The following PHEX variants were observed in gnomAD, a reference collection of about 807,000 sequenced individuals.
PHEX encodes phosphate regulating endopeptidase X-linked.
PHEX carries 16 observed loss-of-function variants against 68.0 expected under a neutral mutation model. The ratio of observed to expected loss-of-function variants is 0.24; its 90% confidence interval spans 0.16 to 0.36. The LOEUF (loss-of-function observed/expected upper bound fraction) is 0.36, where lower values mean the gene tolerates loss of function less well. PHEX is among the 10% of genes least tolerant of loss of function. PHEX has a pLI of 1.00. For missense variants in PHEX, 480 were observed against 575.5 expected, an observed-to-expected ratio of 0.83 and a Z score of 1.70; for synonymous variants, 208 against 205.1, an observed-to-expected ratio of 1.01 and a Z score of -0.12.
chrX:22,122,187 C>T (rs1403207019), intron 11 of PHEX, among the ~76,000 whole-genome samples: 3 of 111,444 alleles, frequency 2.7e-5, no homozygotes, highest in African/African-American at 6.5e-5. Context: ...TCGTTCCTTG[C>T]AAATTCAGCT....
At chrX:22,157,007 C>T (rs1425978503) in intron 12 of PHEX, among the ~76,000 whole-genome samples, 5 of 111,280 alleles carry the variant, frequency 4.5e-5, no homozygotes, top group Non-Finnish European at 9.4e-5. Context: ...CTCGGCCTCC[C>T]AGGTAGCTGG....
chrX:22,214,659 G>A (rs1254452324), intron 16 of PHEX, among the ~76,000 whole-genome samples: 1 of 111,827 alleles, frequency 8.9e-6, no homozygotes, highest in Non-Finnish European at 1.9e-5. Context: ...ACCTGGCAGT[G>A]CCCATCCTAG....
At chrX:22,216,254 C>T (rs931898249) in intron 16 of PHEX, among the ~76,000 whole-genome samples, 1 of 111,634 alleles carries the variant, frequency 9.0e-6, no homozygotes, top group African/African-American at 3.3e-5. Context: ...TACTTGATAA[C>T]AGTGTGAGAT....
intron 16 of PHEX, among the ~76,000 whole-genome samples, chrX:22,215,769 C>T (rs939601145): frequency 2.6e-4 from 29 of 110,898 alleles, no homozygotes; most frequent in African/African-American, 8.9e-4. Context: ...AACCATCCTT[C>T]GAAATGCAGA....
At chrX:22,149,108 G>A (rs776107484) in intron 12 of PHEX, among the ~76,000 whole-genome samples, 1 of 111,922 alleles carries the variant, frequency 8.9e-6, no homozygotes, top group South Asian at 3.8e-4. Flanking sequence ...CTGACTTATG[G>A]GGTCCTGTAC....
At chrX:22,036,025 C>T (rs1926989339) in intron 1 of PHEX, among the ~76,000 whole-genome samples, 1 of 93,264 alleles carries the variant, frequency 1.1e-5, no homozygotes, top group Non-Finnish European at 2.1e-5. Flanking sequence ...CACACACACA[C>T]ACACACGTAC....
chrX:22,075,285 C>CTTTTT (rs1164944990), intron 3 of PHEX, among the ~76,000 whole-genome samples: 14 of 62,341 alleles, frequency 2.2e-4, no homozygotes, highest in Non-Finnish European at 2.7e-4. Context: ...CTCTGGGTTG[C>CTTTTT]TTTTTTTTTT....
At chrX:22,182,993 C>T (rs1345694655) in intron 14 of PHEX, among the ~76,000 whole-genome samples, 1 of 111,721 alleles carries the variant, frequency 9.0e-6, no homozygotes, top group African/African-American at 3.3e-5. Flanking sequence ...ACAATGTTGT[C>T]CAGTTTTGTA....
intron 15 of PHEX, among the ~76,000 whole-genome samples, chrX:22,197,082 A>T (rs1471419853): frequency 8.9e-6 from 1 of 111,938 alleles, no homozygotes; most frequent in Non-Finnish European, 1.9e-5. Context: ...CCATCTGGGG[A>T]CATGAGAATA....
At chrX:22,045,565 G>A (rs915503961) in intron 2 of PHEX, among the ~76,000 whole-genome samples, 5 of 112,473 alleles carry the variant, frequency 4.4e-5, no homozygotes, top group Admixed American at 3.8e-4. Flanking sequence ...TCTCCTACCT[G>A]TGGGTTATCT....
intron 12 of PHEX, among the ~76,000 whole-genome samples, chrX:22,161,624 T>C (rs1933134078): frequency 8.9e-6 from 1 of 112,212 alleles, no homozygotes; most frequent in Non-Finnish European, 1.9e-5. Flanking sequence ...TATTGAGTAT[T>C]GGTCACTTGC....
rs561453852 is a variant in PHEX, at chrX:22,044,185, A to T, written c.188-2865A>T. 3.6e-5 allele frequency among the ~76,000 whole-genome samples: 4 copies of T among 110,247 alleles called. No individual in the cohort carries two copies. In the South Asian group the frequency reaches 1.5e-3, roughly 43 times the overall value. ...ATACATTTGAGGGTTGGGGGCAGGG[A>T]AAGTTTGAGAAGGAGGCTGGAAAAC... On this transcript the variant is annotated intron_variant, in intron 2 of 21. Transcript: ENST00000379374.
chrX:22,038,560 G>C, intron 2 of PHEX, 23 bp downstream of exon 2: 1 of 1,036,778 alleles, frequency 9.6e-7, no homozygotes, highest in Non-Finnish European at 1.4e-6. Context: ...TTTCCATCCT[G>C]TGTCAAGTTA....
chrX:22,103,031 A>T (rs1930500685), intron 9 of PHEX, among the ~76,000 whole-genome samples: 1 of 111,989 alleles, frequency 8.9e-6, no homozygotes, highest in Non-Finnish European at 1.9e-5. Context: ...GAGGAAGCTG[A>T]GGTTAAGTGA....
At chrX:22,212,572 C>T (rs866294395) in intron 15 of PHEX, among the ~76,000 whole-genome samples, 15 of 112,095 alleles carry the variant, frequency 1.3e-4, no homozygotes, top group Admixed American at 3.8e-4. Context: ...TGCACACCCA[C>T]GAAGCCGGCC....
chrX:22,097,376 G>A (rs949530012), intron 8 of PHEX, among the ~76,000 whole-genome samples: 5 of 112,295 alleles, frequency 4.5e-5, no homozygotes, highest in East Asian at 2.8e-4. Context: ...TGTGTTTAGT[G>A]TGTTGGCTTT....
rs1172704097 is a variant in PHEX, at chrX:22,162,252, A to G, written c.1405-6060A>G. Among the ~76,000 whole-genome samples the G allele has an allele frequency of 5.4e-5, 6 of 112,014 alleles. No individual in the cohort carries two copies. The South Asian group carries it at 1.5e-3, about 28-fold the overall frequency. The stretch of plus-strand genomic sequence containing the variant: ...TCTGGCTTTGCTAGGAAAATCTCCT[A>G]CCATGCTCCAAGAAGCTTGTACATT... On this transcript the variant is annotated intron_variant, in intron 12 of 21. Transcript: ENST00000379374.
chrX:22,033,476 G>A (rs923649467), intron 1 of PHEX, among the ~76,000 whole-genome samples: 4 of 111,893 alleles, frequency 3.6e-5, no homozygotes, highest in African/African-American at 1.3e-4. Context: ...TATATTTTGA[G>A]GAAAGACTTT....
chrX:22,062,849 C>T (rs1229739311), intron 3 of PHEX, among the ~76,000 whole-genome samples: 1 of 109,515 alleles, frequency 9.1e-6, no homozygotes, highest in Non-Finnish European at 1.9e-5. Context: ...CAACCTCTGC[C>T]TCCCAGGTTC....
Sources: allele counts gnomAD v4.1 joint callset (sites outside exome capture counted in the v4.1 genomes callset), GRCh38; gene constraint gnomAD v4.1.1; transcripts MANE v1.5; gene names NCBI Gene and HGNC (gene_info 2026-07-23, HGNC 2026-07-21).